Variants in PRR14 observed in about 807,000 individuals in gnomAD.
PRR14 encodes the protein proline rich 14.
A neutral mutation model predicts 57.2 loss-of-function variants in PRR14; 33 were observed. The ratio of observed to expected loss-of-function variants is 0.58; its 90% CI spans 0.44 to 0.77. The LOEUF (loss-of-function observed/expected upper bound fraction) is 0.77. Among genes scored for constraint, PRR14 ranks in the 30% least tolerant of loss-of-function variants. The pLI is 0.00. For missense variants in PRR14, 716 were observed against 788.1 expected (o/e 0.91, Z 1.10); for synonymous variants, 303 against 314.7 (o/e 0.96, Z 0.39).
intron 3 of PRR14, chr16:30,652,430 C>G: frequency 1.8e-6 from 1 of 563,656 alleles, no homozygotes; most frequent in South Asian, 1.8e-5. Flanking sequence ...CTCCACTGCA[C>G]AGATAAGAAA....
rs755490167 is a variant in PRR14 at position 30,655,509 on chromosome 16, G to A, written c.1322G>A (p.Gly441Glu). ...VLSEPETKTM[G>E]KVSRFRIRRT... Reference sequence around the variant, plus strand: ...TCTGCCCCATTTTTGCAGACCATGGGAAAGGTTTCTCGATTCAGAATACGC... The same window carrying A: ...TCTGCCCCATTTTTGCAGACCATGGAAAAGGTTTCTCGATTCAGAATACGC... The change falls in exon 10 of 12, where the codon GGA becomes GAA. Residue 441 changes from glycine to glutamate, a missense_variant. Physicochemically the swap from Gly to Glu is moderately conservative, Grantham distance 98. Transcript: ENST00000300835. The surrounding 1 kb of genome is among the most constrained non-coding windows in gnomAD (Gnocchi z 4.6). 6.2e-7 allele frequency: 1 copy of A among 1,614,190 alleles called. No homozygotes were observed. Among genetic ancestry groups the A allele is most frequent in the Non-Finnish European group, 8.5e-7 (1 of 1,180,032 alleles).
chr16:30,655,459 C>T lies in PRR14; in HGVS notation c.1314+39C>T, dbSNP rs770045905. The T allele has an allele frequency of 8.1e-6, 13 of 1,613,400 alleles. No individual in the cohort carries two copies. The highest frequency in any genetic ancestry group is 1.1e-5 in the Non-Finnish European group (13 of 1,179,314). ...TCGGGTAGAAGAGACTAGTGGGGGCCTGAGCCCATGTCACTCTTTCACCCT... is the reference window on the plus strand; with the variant it reads ...TCGGGTAGAAGAGACTAGTGGGGGCTTGAGCCCATGTCACTCTTTCACCCT... On this transcript the variant is annotated intron_variant, in intron 9 of 11. Coordinates refer to ENST00000300835, the MANE Select transcript of PRR14 (RefSeq NM_024031.5). The surrounding 1 kb of genome is among the most constrained non-coding windows in gnomAD (Gnocchi z 4.6).
In PRR14 at chr16:30,654,279, C is replaced by G; in HGVS notation, c.598C>G (p.Leu200Val). 3.7e-6 allele frequency: 6 copies of G among 1,614,166 alleles called. No homozygotes were observed. The highest frequency in any genetic ancestry group is 5.1e-6 in the Non-Finnish European group (6 of 1,180,020). Residue 200 changes from leucine to valine, a missense_variant, in exon 7 of 12, where the codon CTA becomes GTA. Physicochemically the swap from Leu to Val is conservative, Grantham distance 32. Coordinates refer to ENST00000300835, the MANE Select transcript of PRR14 (RefSeq NM_024031.5). ...VRQPTPPPGD[L>V]EPPFQPSALP... Reference sequence around the variant, plus strand: ...CCAGCCAACGCCTCCACCTGGGGACCTAGAACCCCCATTCCAGCCATCTGC... The same window carrying G: ...CCAGCCAACGCCTCCACCTGGGGACGTAGAACCCCCATTCCAGCCATCTGC...
Position 30,655,036 on chromosome 16 carries a change from C to T in PRR14, c.1066C>T (p.Arg356Ter), listed in dbSNP as rs1040079433. 5.0e-6 allele frequency: 8 copies of T among 1,610,502 alleles called. No homozygotes were observed. Among genetic ancestry groups the T allele is most frequent in the African/African-American group, 1.3e-5 (1 of 75,044 alleles). The change falls in exon 8 of 12, where the codon CGA becomes TGA. Residue 356 changes from arginine to a stop codon, truncating the protein, a stop_gained. Coordinates refer to ENST00000300835, the MANE Select transcript of PRR14 (RefSeq NM_024031.5). LOFTEE classifies it high-confidence loss of function. The surrounding 1 kb of genome is among the most constrained non-coding windows in gnomAD (Gnocchi z 4.6). Reference sequence around the variant, plus strand: ...GCCACCTGCTCCACCCCAACCAAGCCGACCACGGCCGCGGCGGCACACTGT... The same window carrying T: ...GCCACCTGCTCCACCCCAACCAAGCTGACCACGGCCGCGGCGGCACACTGT... ...TWPPAPPQPS[R>*]PRPRRHTVGG... is the part of the protein sequence containing the mutation.
In PRR14 at chr16:30,654,868, A is replaced by T. The variant is rs1022700621; in HGVS notation, c.898A>T (p.Thr300Ser). Residue 300 changes from threonine to serine, a missense_variant, in exon 8 of 12, where the codon ACT becomes TCT. Thr to Ser is a moderately conservative substitution (Grantham distance 58). Transcript: ENST00000300835. ...EAEQSGAAEG[T>S]ASVSPRPPIR... is the part of the protein sequence containing the mutation. ...CGAGCAGTCTGGGGCTGCTGAGGGC[A>T]CTGCGTCTGTCAGCCCCCGGCCCCC... The T allele has an allele frequency of 5.9e-6, 9 of 1,531,358 alleles. No homozygotes were observed. The highest frequency in any genetic ancestry group is 8.0e-6 in the Non-Finnish European group (9 of 1,130,370). The allele number at this position is 1,531,358 out of a possible 1,614,324, so 94.9% of individuals were successfully genotyped here. A position where few individuals can be genotyped will look rare whatever the true frequency, so the allele number is the denominator to read the frequency against.
Position 30,655,874 on chromosome 16 carries a change from C to G in PRR14, c.1413C>G (p.Asn471Lys). The G allele has an allele frequency of 2.5e-6, 4 of 1,614,124 alleles. No homozygotes were observed. The highest frequency in any genetic ancestry group is 3.4e-6 in the Non-Finnish European group (4 of 1,180,010). ...PMGLPRPIRL[N>K]KKEFSLEEIY... The stretch of plus-strand genomic sequence containing the variant: ...CTCTGCTCTTTGCTCACAGGTTGAA[C>G]AAGAAGGAGTTCAGCTTGGAAGAAA... The change falls in exon 11 of 12, where the codon AAC becomes AAG. Residue 471 changes from asparagine (N) to lysine (K), a missense_variant. Transcript: ENST00000300835. The surrounding 1 kb of genome is among the most constrained non-coding windows in gnomAD (Gnocchi z 4.6).
chr16:30,651,709 G>A lies in PRR14; in HGVS notation c.23+41G>A, dbSNP rs1170709746. 1 of 1,612,276 alleles carries A rather than the reference G, an allele frequency of 6.2e-7. No homozygotes were observed. Among genetic ancestry groups the A allele is most frequent in the Non-Finnish European group, 8.5e-7 (1 of 1,179,738 alleles). On this transcript the variant is annotated intron_variant, in intron 2 of 11. Coordinates refer to ENST00000300835, the MANE Select transcript of PRR14 (RefSeq NM_024031.5). This position sits in a 1 kb window ranked among gnomAD's most constrained non-coding sequence, Gnocchi z 5.0. Reference sequence around the variant, plus strand: ...GGCGGCCCGCCTGTCTTGACCCCGGGAGATGGGGATCCTGGCGACCGTGCC... The same window carrying A: ...GGCGGCCCGCCTGTCTTGACCCCGGAAGATGGGGATCCTGGCGACCGTGCC...
At chr16:30,653,320 G>A (rs1027059521) in intron 5 of PRR14, 45 bp from the exon 6 acceptor site, 3 of 1,602,378 alleles carry the variant, frequency 1.9e-6, no homozygotes, top group African/African-American at 2.7e-5. Flanking sequence ...GGGGCACTAA[G>A]GGGGCTTTCC....
In PRR14 at chr16:30,651,871, G is replaced by C; in HGVS notation, c.99G>C (p.Pro33=). The change falls in exon 3 of 12, where the codon CCG becomes CCC. Residue 33 remains proline, a synonymous_variant. Transcript: ENST00000300835. This position sits in a 1 kb window ranked among gnomAD's most constrained non-coding sequence, Gnocchi z 5.0. Reference sequence around the variant, plus strand: ...GGGGAGCCAGGAGCCCGAAACGGCCGAGGCTGCAGCTCCCGGGGGCCCCTT... The same window carrying C: ...GGGGAGCCAGGAGCCCGAAACGGCCCAGGCTGCAGCTCCCGGGGGCCCCTT... The part of the protein sequence containing the change: ...ALWGARSPKR[P]RLQLPGAPSP... 6.2e-7 allele frequency: 1 copy of C among 1,607,422 alleles called. No homozygotes were observed. The highest frequency in any genetic ancestry group is 1.1e-5 in the South Asian group (1 of 90,884).
Position 30,656,257 on chromosome 16 carries a change from T to C in PRR14, c.1704T>C (p.Asp568=). 1 of 1,613,106 alleles carries C rather than the reference T, an allele frequency of 6.2e-7. No individual in the cohort carries two copies. Among genetic ancestry groups the C allele is most frequent in the Non-Finnish European group, 8.5e-7 (1 of 1,179,956 alleles). ...PLLQQRLEEL[D]ALLLEEETVD... is the part of the protein sequence containing the mutation. ...TCCAGCAGCGGCTGGAGGAGCTAGA[T>C]GCCTTGCTCCTGGAGGAAGAAACAG... The change falls in exon 12 of 12, where the codon GAT becomes GAC. Residue 568 remains aspartate, a synonymous_variant. Transcript: ENST00000300835.
chr16:30,656,068 C>A lies in PRR14; in HGVS notation c.1515C>A (p.Arg505=). 6.4e-7 allele frequency: 1 copy of A among 1,552,380 alleles called. No homozygotes were observed. The highest frequency in any genetic ancestry group is 1.2e-5 in the South Asian group (1 of 80,562). The change falls in exon 12 of 12, where the codon CGC becomes CGA. Residue 505 remains arginine (R), a synonymous_variant. Transcript: ENST00000300835. ...FETIFEEPRE[R]NGTLIFTSSR... is the part of the protein sequence containing the mutation. ...CCATCTTTGAGGAACCCCGGGAGCG[C>A]AATGGGACTCTGATTTTCACCAGCT...
Position 30,655,018 on chromosome 16 carries a change from G to A in PRR14, c.1048G>A (p.Ala350Thr). The change falls in exon 8 of 12, where the codon GCT (alanine) becomes ACT (threonine). Residue 350 changes from alanine to threonine, a missense_variant. Coordinates refer to ENST00000300835, the MANE Select transcript of PRR14 (RefSeq NM_024031.5). This position sits in a 1 kb window ranked among gnomAD's most constrained non-coding sequence, Gnocchi z 4.6. ...CCCAGGTACCTGCACCTGGCCACCTGCTCCACCCCAACCAAGCCGACCACG... is the reference window on the plus strand; with the variant it reads ...CCCAGGTACCTGCACCTGGCCACCTACTCCACCCCAACCAAGCCGACCACG... Reference protein sequence around the residue: ...PGPGTCTWPPAPPQPSRPRPR... With the variant: ...PGPGTCTWPPTPPQPSRPRPR... 1 of 1,610,392 alleles carries A rather than the reference G, an allele frequency of 6.2e-7. No individual in the cohort carries two copies. The highest frequency in any genetic ancestry group is 8.5e-7 in the Non-Finnish European group (1 of 1,179,832).
Position 30,651,970 on chromosome 16 carries a change from C to G in PRR14, c.192+6C>G. ...ATGTCATGGCTGTTCACATGGTGAG[C>G]CCCCTGAACCAAGAGACTCTCTATT... On this transcript the variant is annotated splice_donor_region_variant and intron_variant, in intron 3 of 11. Transcript: ENST00000300835. The surrounding 1 kb of genome is among the most constrained non-coding windows in gnomAD (Gnocchi z 5.0). 1 of 1,524,310 alleles carries G rather than the reference C, an allele frequency of 6.6e-7. No homozygotes were observed. Among genetic ancestry groups the G allele is most frequent in the Non-Finnish European group, 8.8e-7 (1 of 1,138,910 alleles). The allele number at this position is 1,524,310 out of a possible 1,614,324, so 94.4% of individuals were successfully genotyped here. A position where few individuals can be genotyped will look rare whatever the true frequency, so the allele number is the denominator to read the frequency against.
At position 30,656,285 on chromosome 16, in the gene PRR14, G is replaced by C; in HGVS notation, c.1732G>C (p.Asp578His). Residue 578 changes from aspartate to histidine, a missense_variant, in exon 12 of 12, where the codon GAT (aspartate) becomes CAT (histidine). Coordinates refer to ENST00000300835, the MANE Select transcript of PRR14 (RefSeq NM_024031.5). ...DALLLEEETV[D>H]REQPHWT ...CTTGCTCCTGGAGGAAGAAACAGTA[G>C]ATCGGGAGCAGCCCCACTGGACCTA... The C allele has an allele frequency of 6.2e-7, 1 of 1,612,632 alleles. No homozygotes were observed. Among genetic ancestry groups the C allele is most frequent in the South Asian group, 1.1e-5 (1 of 91,054 alleles).
chr16:30,651,351 G>T lies in PRR14; in HGVS notation c.-51+224G>T. 1 of 446,454 alleles carries T rather than the reference G, an allele frequency of 2.2e-6. No homozygotes were observed. Among genetic ancestry groups the T allele is most frequent in the Non-Finnish European group, 4.1e-6 (1 of 245,630 alleles). The allele number at this position is 446,454 out of a possible 1,614,324, so 27.7% of individuals were successfully genotyped here. A position where few individuals can be genotyped will look rare whatever the true frequency, so the allele number is the denominator to read the frequency against. ...AAGGCCTCGGGAGGCTCGGGCCGCGGGAGAACTGGGGCCGCTGCATTCTGG... is the reference window on the plus strand; with the variant it reads ...AAGGCCTCGGGAGGCTCGGGCCGCGTGAGAACTGGGGCCGCTGCATTCTGG... On this transcript the variant is annotated intron_variant, in intron 1 of 11. Transcript: ENST00000300835. The surrounding 1 kb of genome is among the most constrained non-coding windows in gnomAD (Gnocchi z 5.0).
chr16:30,653,231 C>G (rs2052332044), intron 5 of PRR14, 128 bp downstream of exon 5: 1 of 1,366,624 alleles, frequency 7.3e-7, no homozygotes, highest in South Asian at 1.3e-5. Context: ...GCGGCAGACA[C>G]TGCCTGAGCA....
At position 30,656,014 on chromosome 16, in the gene PRR14, T is replaced by C. The variant is rs1456300011; in HGVS notation, c.1479-18T>C. On this transcript the variant is annotated intron_variant, in intron 11 of 11. Transcript: ENST00000300835. Reference sequence around the variant, plus strand: ...GGAGCACCCTGATAAAACCAGCTCCTCTCCCTGCCTTGTTCAGGACCTTTG... The same window carrying C: ...GGAGCACCCTGATAAAACCAGCTCCCCTCCCTGCCTTGTTCAGGACCTTTG... The C allele has an allele frequency of 6.3e-7, 1 of 1,586,058 alleles. No individual in the cohort carries two copies. Among genetic ancestry groups the C allele is most frequent in the East Asian group, 2.2e-5 (1 of 44,786 alleles).
chr16:30,652,100 A>C, intron 3 of PRR14, 136 bp downstream of exon 3: 1 of 970,202 alleles, frequency 1.0e-6, no homozygotes, highest in Non-Finnish European at 1.5e-6. Context: ...AGCCTCCCTC[A>C]TGGTAGAGTC....
rs746272819 is a variant in PRR14, at chr16:30,655,417, C to T, written c.1311C>T (p.Thr437=). The T allele has an allele frequency of 1.2e-6, 2 of 1,614,002 alleles. No individual in the cohort carries two copies. Among genetic ancestry groups the T allele is most frequent in the Non-Finnish European group, 1.7e-6 (2 of 1,180,010 alleles). ...SKDQVLSEPE[T]KTMGKVSRFR... ...ACCAGGTGCTTTCAGAACCTGAGAC[C>T]AAGGTAGGCATTCAGATCGGGTAGA... Residue 437 remains threonine (T), a synonymous_variant, in exon 9 of 12, where the codon ACC becomes ACT. Coordinates refer to ENST00000300835, the MANE Select transcript of PRR14 (RefSeq NM_024031.5). The surrounding 1 kb of genome is among the most constrained non-coding windows in gnomAD (Gnocchi z 4.6).
Sources: allele counts gnomAD v4.1 joint callset, GRCh38; gene constraint gnomAD v4.1.1; non-coding constraint Gnocchi (gnomAD v3.1); transcripts MANE v1.5; gene names NCBI Gene and HGNC (gene_info 2026-07-23, HGNC 2026-07-21).